KIF1A: variants seen among roughly 807,000 people sequenced by gnomAD.
KIF1A encodes kinesin family member 1A.
In KIF1A, 46 loss-of-function variants were observed where a neutral mutation model predicts 227.3. The ratio of observed to expected loss-of-function variants is 0.20; its 90% CI spans 0.16 to 0.26. The LOEUF (loss-of-function observed/expected upper bound fraction) is 0.26, where lower values mean the gene tolerates loss of function less well. Ranked by LOEUF, KIF1A falls within the 10% of genes least tolerant of loss-of-function variation. KIF1A has a pLI of 1.00. For missense variants in KIF1A, 1,683 were observed against 2,485.9 expected, an observed-to-expected ratio of 0.68 and a Z score of 6.87; for synonymous variants, 1,022 against 1,012.8, an observed-to-expected ratio of 1.01 and a Z score of -0.17.
intron 23 of KIF1A, 86 bp downstream of exon 23, chr2:240,762,633 G>T: frequency 7.1e-7 from 1 of 1,400,416 alleles, no homozygotes. Flanking sequence ...GTGCTGACCA[G>T]TGACCTCCAG....
intron 10 of KIF1A, chr2:240,782,119 C>T (rs13386773): frequency 0.29 from 283,299 of 985,214 alleles, 44,197 homozygotes; most frequent in African/African-American, 0.61. Context: ...AGCGTCGCCC[C>T]AGGCAGCTTC....
chr2:240,737,210 C>T (rs377023667), intron 37 of KIF1A, 42 bp from the exon 38 acceptor site: 132 of 1,541,246 alleles, frequency 8.6e-5, no homozygotes, highest in Non-Finnish European at 1.1e-4. Flanking sequence ...TCCCAGGGGG[C>T]AGGTGGGACC....
chr2:240,748,695 G>C (rs1390547963), intron 28 of KIF1A: 1 of 332,838 alleles, frequency 3.0e-6, no homozygotes, highest in African/African-American at 2.3e-5. Flanking sequence ...GCCCTTCCCT[G>C]GTGTTCACCC....
intron 13 of KIF1A, 28 bp from the exon 14 acceptor site, chr2:240,772,624 G>C: frequency 6.6e-7 from 1 of 1,520,508 alleles, no homozygotes; most frequent in Non-Finnish European, 8.9e-7. Flanking sequence ...GTGGGGGAGG[G>C]GGAGAGACAG....
chr2:240,721,925 C>G (rs569548781), intron 43 of KIF1A, 41 bp from the exon 44 acceptor site: 1 of 1,528,002 alleles, frequency 6.5e-7, no homozygotes, highest in East Asian at 2.3e-5. Context: ...CCAGGCCTCC[C>G]GGGACCCTGC....
At position 240,745,635 on chromosome 2, in the gene KIF1A, C is replaced by T. The variant is rs913102969; in HGVS notation, c.3374+103G>A. ...GTTCAGGGCCTGCGGGCTGGGCCAA[C>T]ACAGCACCAACATGGCCTGCTCCCT... is the stretch of plus-strand genomic sequence containing the variant. On this transcript the variant is annotated intron_variant, in intron 31 of 48. Coordinates refer to ENST00000498729, the MANE Select transcript of KIF1A (RefSeq NM_001244008.2). 8.0e-6 allele frequency: 12 copies of T among 1,509,166 alleles called. No homozygotes were observed. In the Admixed American group the frequency reaches 1.5e-4, roughly 19 times the overall value. 93.5% of individuals were successfully genotyped at this position (1,509,166 alleles called of 1,614,324 possible). A position where few individuals can be genotyped will look rare whatever the true frequency, so the allele number is the denominator to read the frequency against.
rs547852852 is a variant in KIF1A, at chr2:240,726,543, G to A, written c.4122+283C>T. ...GGAGAATCGCTTGAGCCTGGGAAGC[G>A]GAGGTTGCAGTGAGACTGCGCCATT... On this transcript the variant is annotated intron_variant, in intron 39 of 48. Coordinates refer to ENST00000498729, the MANE Select transcript of KIF1A (RefSeq NM_001244008.2). The surrounding 1 kb of genome is among the most constrained non-coding windows in gnomAD (Gnocchi z 5.2). 4.3e-4 allele frequency among the ~76,000 whole-genome samples: 65 copies of A among 152,312 alleles called. 1 individual carries two copies. Among genetic ancestry groups the A allele is most frequent in the African/African-American group, 1.3e-3 (54 of 41,562 alleles).
intron 12 of KIF1A, among the ~76,000 whole-genome samples, chr2:240,773,951 G>C (rs2052381124): frequency 6.6e-6 from 1 of 152,208 alleles, no homozygotes; most frequent in Admixed American, 6.5e-5. Flanking sequence ...ACGGGGCCCT[G>C]GGCTGCCTGC....
intron 28 of KIF1A, among the ~76,000 whole-genome samples, chr2:240,747,963 G>T (rs1476252257): frequency 6.6e-6 from 1 of 152,242 alleles, no homozygotes; most frequent in East Asian, 1.9e-4. Context: ...CACGGGCAGG[G>T]CTGATGAGAC....
At chr2:240,763,972 C>T (rs1338289858) in intron 20 of KIF1A, among the ~76,000 whole-genome samples, 1 of 152,220 alleles carries the variant, frequency 6.6e-6, no homozygotes, top group Non-Finnish European at 1.5e-5. Flanking sequence ...ACCCCAGCAC[C>T]CGGCTGGACC....
In KIF1A at chr2:240,745,423, G is replaced by A. The variant is rs879064869; in HGVS notation, c.3465+4C>T. On this transcript the variant is annotated splice_donor_region_variant and intron_variant, in intron 32 of 48. Coordinates refer to ENST00000498729, the MANE Select transcript of KIF1A (RefSeq NM_001244008.2). ...GGGATGGGGAGAAGTGCCCAGGAACGTACGTTCTGGACGTGGTAGAAGCCA... is the reference window on the plus strand; with the variant it reads ...GGGATGGGGAGAAGTGCCCAGGAACATACGTTCTGGACGTGGTAGAAGCCA... The A allele has an allele frequency of 1.8e-5, 29 of 1,608,410 alleles. No individual in the cohort carries two copies. In the East Asian group the frequency reaches 3.1e-4, roughly 17 times the overall value.
At chr2:240,734,786 C>T (rs1376524479) in intron 38 of KIF1A, 2 of 1,303,528 alleles carry the variant, frequency 1.5e-6, no homozygotes, top group South Asian at 1.2e-5. Flanking sequence ...GAGGGCCGGG[C>T]AGCGCAGCGG....
intron 38 of KIF1A, among the ~76,000 whole-genome samples, chr2:240,732,676 G>A (rs1248512219): frequency 8.4e-6 from 1 of 119,150 alleles, no homozygotes; most frequent in Non-Finnish European, 1.7e-5. Flanking sequence ...AGGAGTTCGG[G>A]GGTGAGGGAC....
At position 240,724,870 on chromosome 2, in the gene KIF1A, C is replaced by A. The variant is rs530143032; in HGVS notation, c.4256+401G>T. 10 of 176,582 alleles carry A rather than the reference C, an allele frequency of 5.7e-5. No individual in the cohort carries two copies. The South Asian group carries it at 8.0e-4, about 14-fold the overall frequency. 10.9% of individuals were successfully genotyped at this position (176,582 alleles called of 1,614,324 possible). A position where few individuals can be genotyped will look rare whatever the true frequency, so the allele number is the denominator to read the frequency against. ...CACTTATCCAGCTCCTCCTTCAGTG[C>A]CTTGTGGGCAGTCAGTCCCATGGCA... is the stretch of plus-strand genomic sequence containing the variant. On this transcript the variant is annotated intron_variant, in intron 40 of 48. Transcript: ENST00000498729.
chr2:240,759,731 G>T (rs775162349), intron 25 of KIF1A, among the ~76,000 whole-genome samples: 1 of 152,222 alleles, frequency 6.6e-6, no homozygotes, highest in Non-Finnish European at 1.5e-5. Context: ...GCCTGGCTGG[G>T]TGCAGTGGCT....
In KIF1A at chr2:240,739,493, G is replaced by T. The variant is rs1161577523; in HGVS notation, c.3901+565C>A. On this transcript the variant is annotated intron_variant, in intron 37 of 48. Coordinates refer to ENST00000498729, the MANE Select transcript of KIF1A (RefSeq NM_001244008.2). The surrounding 1 kb of genome is among the most constrained non-coding windows in gnomAD (Gnocchi z 5.6). ...TATTTGGAAGTAGGGCTTTGCAGAGGTGATCAAACTGAGTAAAGATGCAGT... is the reference window on the plus strand; with the variant it reads ...TATTTGGAAGTAGGGCTTTGCAGAGTTGATCAAACTGAGTAAAGATGCAGT... Among the ~76,000 whole-genome samples, 2 of 152,188 alleles carry T rather than the reference G, an allele frequency of 1.3e-5. No homozygotes were observed. The highest frequency in any genetic ancestry group is 4.8e-5 in the African/African-American group (2 of 41,444).
In KIF1A at chr2:240,760,761, T is replaced by A. The variant is rs1199514468; in HGVS notation, c.2348A>T (p.Asp783Val). 6.2e-7 allele frequency: 1 copy of A among 1,602,052 alleles called. No homozygotes were observed. Among genetic ancestry groups the A allele is most frequent in the Non-Finnish European group, 8.5e-7 (1 of 1,174,980 alleles). Residue 783 changes from aspartate to valine, a missense_variant, in exon 25 of 49, where the codon GAC becomes GTC. Asp to Val is a radical substitution (Grantham distance 152). Around this residue, in one of 12 missense-constraint regions of KIF1A, gnomAD observed 759 missense variants for 1,020.2 expected, o/e 0.74. Coordinates refer to ENST00000498729, the MANE Select transcript of KIF1A (RefSeq NM_001244008.2). ...PDLLPPEAAKDRETRPFPRTI... is the reference protein window; with the variant it reads ...PDLLPPEAAKVRETRPFPRTI... ...GCGGGGGAAGGGCCGCGTCTCTCGGTCTTTGGCGGCCTCTGGGGGCAGCAG... is the reference window on the plus strand; with the variant it reads ...GCGGGGGAAGGGCCGCGTCTCTCGGACTTTGGCGGCCTCTGGGGGCAGCAG...
At chr2:240,760,962 G>GT in intron 24 of KIF1A, 119 bp from the exon 25 acceptor site, 1 of 1,089,148 alleles carries the variant, frequency 9.2e-7, no homozygotes, top group Non-Finnish European at 1.3e-6. Flanking sequence ...ATGGTTCACT[G>GT]GAACCTTTCA....
intron 27 of KIF1A, among the ~76,000 whole-genome samples, chr2:240,751,859 C>T (rs2049254369): frequency 6.6e-6 from 1 of 152,086 alleles, no homozygotes; most frequent in South Asian, 2.1e-4. Context: ...TACCCTCCAT[C>T]TCATCTGCGG....
Sources: allele counts gnomAD v4.1 joint callset (sites outside exome capture counted in the v4.1 genomes callset), GRCh38; gene constraint gnomAD v4.1.1; regional missense constraint gnomAD v4.1.1; non-coding constraint Gnocchi (gnomAD v3.1); transcripts MANE v1.5; gene names NCBI Gene and HGNC (gene_info 2026-07-23, HGNC 2026-07-21).